SPATA16: variants seen among roughly 807,000 people sequenced by gnomAD.
SPATA16 encodes the protein spermatogenesis associated 16.
SPATA16 carries 36 observed loss-of-function variants against 63.3 expected under a neutral mutation model. That is an observed-to-expected ratio of 0.57 (90% CI 0.44 to 0.75). The LOEUF (loss-of-function observed/expected upper bound fraction) is 0.75, where lower values mean the gene tolerates loss of function less well. Ranked by LOEUF, SPATA16 falls within the 30% of genes least tolerant of loss-of-function variation. The probability of loss-of-function intolerance (pLI) is 0.00; values close to 1 mark genes in which losing one functional copy is unlikely to be tolerated. For missense variants in SPATA16, 646 were observed against 679.3 expected, an observed-to-expected ratio of 0.95 and a Z score of 0.54; for synonymous variants, 203 against 216.7, an observed-to-expected ratio of 0.94 and a Z score of 0.56.
intron 10 of SPATA16, among the ~76,000 whole-genome samples, chr3:172,912,673 C>A (rs935245497): frequency 8.5e-5 from 13 of 152,066 alleles, no homozygotes; most frequent in African/African-American, 2.7e-4. Flanking sequence ...ATAACATTTT[C>A]TTTTTTCTAG....
chr3:172,911,229 C>T (rs754172574), intron 10 of SPATA16, among the ~76,000 whole-genome samples: 43 of 152,216 alleles, frequency 2.8e-4, no homozygotes, highest in Admixed American at 8.5e-4. Flanking sequence ...ACATCCATTA[C>T]TACCCGCCTC....
chr3:172,961,060 T>TCC (rs1560080260), intron 5 of SPATA16, among the ~76,000 whole-genome samples: 3 of 49,814 alleles, frequency 6.0e-5, no homozygotes, highest in Non-Finnish European at 1.4e-4. Context: ...TCTTTCTTTC[T>TCC]TTCTTCTTTC....
intron 8 of SPATA16, among the ~76,000 whole-genome samples, chr3:172,916,992 C>T (rs1366966992): frequency 1.3e-5 from 2 of 152,192 alleles, no homozygotes; most frequent in African/African-American, 4.8e-5. Flanking sequence ...GCTTTTATTT[C>T]CAGTTCTTAT....
chr3:173,001,141 C>T (rs112282573), intron 4 of SPATA16, among the ~76,000 whole-genome samples: 10 of 152,246 alleles, frequency 6.6e-5, no homozygotes, highest in African/African-American at 2.2e-4. Flanking sequence ...AGTACAAAGA[C>T]TATAAAGACT....
At chr3:172,945,876 G>A (rs913487291) in intron 6 of SPATA16, among the ~76,000 whole-genome samples, 102 of 152,136 alleles carry the variant, frequency 6.7e-4, no homozygotes, top group African/African-American at 2.4e-3. Context: ...CAGTGGACTT[G>A]GGGTACATGA....
chr3:172,972,053 C>T (rs556734920), intron 5 of SPATA16, among the ~76,000 whole-genome samples: 1 of 152,096 alleles, frequency 6.6e-6, no homozygotes, highest in Non-Finnish European at 1.5e-5. Context: ...CCAGTTTTGT[C>T]CCTTGAGAGT....
chr3:172,998,674 GT>G (rs970182790), intron 4 of SPATA16, among the ~76,000 whole-genome samples: 2 of 152,026 alleles, frequency 1.3e-5, no homozygotes, highest in African/African-American at 2.4e-5. Flanking sequence ...TTAGCTGTAG[GT>G]TTTTTGTAGA....
At chr3:173,009,159 T>C (rs893131287) in intron 4 of SPATA16, among the ~76,000 whole-genome samples, 1 of 152,202 alleles carries the variant, frequency 6.6e-6, no homozygotes, top group African/African-American at 2.4e-5. Flanking sequence ...GATGGCAGAC[T>C]AGAAGCAGCT....
At chr3:172,997,281 C>T in intron 4 of SPATA16, among the ~76,000 whole-genome samples, 1 of 151,984 alleles carries the variant, frequency 6.6e-6, no homozygotes, top group Non-Finnish European at 1.5e-5. Flanking sequence ...TTGGTGTTGT[C>T]AGTGTTTTGG....
chr3:173,062,786 G>T (rs890441907), intron 2 of SPATA16, among the ~76,000 whole-genome samples: 2 of 152,176 alleles, frequency 1.3e-5, no homozygotes, highest in Non-Finnish European at 2.9e-5. Flanking sequence ...GGACAGGTTG[G>T]AGGGTGGATG....
chr3:173,119,921 G>C (rs9829445), intron 1 of SPATA16, among the ~76,000 whole-genome samples: 12,315 of 151,880 alleles, frequency 0.081, 1,673 homozygotes, highest in African/African-American at 0.28. Flanking sequence ...AACCCTATCT[G>C]TACTAAAAAT....
chr3:172,943,419 A>G (rs1733205507), intron 6 of SPATA16, among the ~76,000 whole-genome samples: 1 of 152,212 alleles, frequency 6.6e-6, no homozygotes, highest in South Asian at 2.1e-4. Context: ...AGTAGAATGA[A>G]CAAACCAAAA....
At chr3:173,051,930 GC>G (rs1438042078) in intron 2 of SPATA16, among the ~76,000 whole-genome samples, 1 of 151,814 alleles carries the variant, frequency 6.6e-6, no homozygotes, top group African/African-American at 2.4e-5. Flanking sequence ...TCCTGCCTCA[GC>G]CGCCCAAGTA....
At chr3:173,043,690 T>C (rs1242448538) in intron 3 of SPATA16, among the ~76,000 whole-genome samples, 1 of 152,066 alleles carries the variant, frequency 6.6e-6, no homozygotes, top group Non-Finnish European at 1.5e-5. Context: ...CTTCTTTCTT[T>C]TTTGTAGTTC....
At chr3:173,090,533 G>A (rs143018845) in intron 2 of SPATA16, among the ~76,000 whole-genome samples, 1,591 of 152,288 alleles carry the variant, frequency 0.01, 13 homozygotes, top group Non-Finnish European at 0.017. Context: ...ATCAGAAATA[G>A]GGTAACATAA....
chr3:173,099,088 A>G (rs1034741707), intron 2 of SPATA16, among the ~76,000 whole-genome samples: 2 of 152,178 alleles, frequency 1.3e-5, no homozygotes, highest in African/African-American at 4.8e-5. Context: ...CCTGAAGTAG[A>G]TAATCCTCCT....
intron 5 of SPATA16, among the ~76,000 whole-genome samples, chr3:172,965,766 T>C (rs1448911016): frequency 2.6e-5 from 4 of 152,018 alleles, no homozygotes; most frequent in Non-Finnish European, 4.4e-5. Context: ...TTAGTAGAGA[T>C]GGGGTTTCAC....
Position 172,939,633 on chromosome 3 carries a change from T to C in SPATA16, c.1082-14141A>G, listed in dbSNP as rs544749068. ...AGACTACGATTACACTGAAAGAATA[T>C]AGAAATGCAAGGGCTAAGAGTAATG... On this transcript the variant is annotated intron_variant, in intron 6 of 10. Transcript: ENST00000351008. 4.3e-4 allele frequency among the ~76,000 whole-genome samples: 66 copies of C among 152,290 alleles called. No homozygotes were observed. The South Asian group carries it at 4.8e-3, about 11-fold the overall frequency.
intron 4 of SPATA16, among the ~76,000 whole-genome samples, chr3:173,002,032 A>G (rs1007824415): frequency 1.3e-5 from 2 of 152,166 alleles, no homozygotes; most frequent in Non-Finnish European, 2.9e-5. Flanking sequence ...TTTATCTGCC[A>G]CACATTTATC....
Sources: gnomAD v4.1 joint callset for allele counts (sites outside exome capture counted in the v4.1 genomes callset) on GRCh38, gnomAD v4.1.1 for gene constraint, MANE v1.5 for transcripts, NCBI Gene and HGNC (gene_info 2026-07-23, HGNC 2026-07-21) for gene names.